ERC2: variants seen among roughly 807,000 people sequenced by gnomAD.
The protein encoded by ERC2 is ERC protein 2.
In ERC2, 42 loss-of-function variants were observed where a neutral mutation model predicts 114.8. That is an observed-to-expected ratio of 0.37 (90% CI 0.29 to 0.47). The LOEUF is 0.47. ERC2 is among the 20% of genes least tolerant of loss of function. The probability of loss-of-function intolerance (pLI) is 0.99; values close to 1 mark genes in which losing one functional copy is unlikely to be tolerated. For missense variants in ERC2, 939 were observed against 1,150.7 expected, an observed-to-expected ratio of 0.82 and a Z score of 2.66; for synonymous variants, 454 against 425.5, an observed-to-expected ratio of 1.07 and a Z score of -0.82.
At chr3:56,339,997 C>T (rs997416647) in intron 2 of ERC2, among the ~76,000 whole-genome samples, 1 of 152,140 alleles carries the variant, frequency 6.6e-6, no homozygotes, top group Non-Finnish European at 1.5e-5. Flanking sequence ...AAAATCACAA[C>T]CCCAAGATAT....
rs1473296616 is a variant in ERC2, at chr3:55,732,445, G to A, written c.2712+2326C>T. Among the ~76,000 whole-genome samples, 2 of 152,108 alleles carry A rather than the reference G, an allele frequency of 1.3e-5. 1 individual carries two copies. Among genetic ancestry groups the A allele is most frequent in the Non-Finnish European group, 2.9e-5 (2 of 68,016 alleles). ...GGACACTGCCTTAGCACATACAGGA[G>A]CTGAACTCTGCGTAGCTGAGGTTTC... On this transcript the variant is annotated intron_variant, in intron 15 of 17. Transcript: ENST00000288221.
chr3:55,739,555 C>T (rs965734326), intron 14 of ERC2, among the ~76,000 whole-genome samples: 5 of 152,070 alleles, frequency 3.3e-5, no homozygotes, highest in Non-Finnish European at 7.4e-5. Context: ...GCATAAATGT[C>T]TGCTTTTGAG....
chr3:55,728,446 G>C (rs1439107568), intron 15 of ERC2, among the ~76,000 whole-genome samples: 2 of 152,206 alleles, frequency 1.3e-5, no homozygotes, highest in Non-Finnish European at 2.9e-5. Flanking sequence ...AGATTGAATG[G>C]ATGAGTAGGC....
intron 17 of ERC2, among the ~76,000 whole-genome samples, chr3:55,528,953 C>T (rs1286514523): frequency 6.6e-6 from 1 of 152,168 alleles, no homozygotes; most frequent in Non-Finnish European, 1.5e-5. Flanking sequence ...ATTTCCACAT[C>T]TTTTAAGATG....
chr3:56,251,128 C>T (rs891731355), intron 3 of ERC2, among the ~76,000 whole-genome samples: 5 of 152,120 alleles, frequency 3.3e-5, no homozygotes, highest in Non-Finnish European at 5.9e-5. Flanking sequence ...TTCTCACCCA[C>T]CATAGAAACT....
At chr3:55,592,466 T>C (rs934623577) in intron 17 of ERC2, among the ~76,000 whole-genome samples, 1 of 152,086 alleles carries the variant, frequency 6.6e-6, no homozygotes, top group African/African-American at 2.4e-5. Context: ...GATTTCTCCA[T>C]GCTGGTAGAG....
chr3:56,377,803 A>C (rs1056852379), intron 2 of ERC2, among the ~76,000 whole-genome samples: 1 of 152,022 alleles, frequency 6.6e-6, no homozygotes, highest in Non-Finnish European at 1.5e-5. Flanking sequence ...GAACCACTTG[A>C]GCCCAGTAGT....
intron 17 of ERC2, among the ~76,000 whole-genome samples, chr3:55,645,906 C>T (rs1156634670): frequency 6.6e-6 from 1 of 152,110 alleles, no homozygotes; most frequent in South Asian, 2.1e-4. Flanking sequence ...GAGAAGAGGG[C>T]CCTTTCAGTG....
chr3:55,759,959 T>C (rs2067319066), intron 14 of ERC2, among the ~76,000 whole-genome samples: 1 of 152,234 alleles, frequency 6.6e-6, no homozygotes, highest in African/African-American at 2.4e-5. Flanking sequence ...GGACTTTTCA[T>C]AATACACACT....
intron 14 of ERC2, among the ~76,000 whole-genome samples, chr3:55,863,882 T>C (rs2062135801): frequency 6.6e-6 from 1 of 151,688 alleles, no homozygotes; most frequent in Non-Finnish European, 1.5e-5. Context: ...GTACTAGCCG[T>C]ATCTCAAAAT....
intron 17 of ERC2, among the ~76,000 whole-genome samples, chr3:55,535,551 G>A (rs62251469): frequency 0.028 from 4,320 of 152,254 alleles, 90 homozygotes; most frequent in Middle Eastern, 0.078. Context: ...GTGAGCCACC[G>A]GCAGCAGATA....
intron 10 of ERC2, among the ~76,000 whole-genome samples, chr3:56,006,393 C>T (rs984940048): frequency 6.6e-6 from 1 of 151,922 alleles, no homozygotes; most frequent in Non-Finnish European, 1.5e-5. Flanking sequence ...GTATTATATG[C>T]TTTGATTGAT....
rs115670269 is a variant in ERC2 at position 56,184,428 on chromosome 3, T to C, written c.1075-10908A>G. 3.9e-3 allele frequency among the ~76,000 whole-genome samples: 588 copies of C among 152,284 alleles called. 4 individuals are homozygous for C. The highest frequency in any genetic ancestry group is 0.013 in the African/African-American group (520 of 41,558). On this transcript the variant is annotated intron_variant, in intron 3 of 17. Coordinates refer to ENST00000288221, the MANE Select transcript of ERC2 (RefSeq NM_015576.3). The stretch of plus-strand genomic sequence containing the variant: ...TCCTGGAATATAAGACCACAAATGT[T>C]AATTTCAACAATAATAACAGCAGCT...
At chr3:55,566,080 C>T (rs1374056928) in intron 17 of ERC2, among the ~76,000 whole-genome samples, 2 of 152,168 alleles carry the variant, frequency 1.3e-5, no homozygotes, top group East Asian at 3.8e-4. Flanking sequence ...GCTTGACTTT[C>T]ACTCTATGAT....
chr3:55,910,719 C>T (rs945059660), intron 13 of ERC2, among the ~76,000 whole-genome samples: 1 of 152,156 alleles, frequency 6.6e-6, no homozygotes, highest in Admixed American at 6.5e-5. Flanking sequence ...TCATCATTAT[C>T]ATTTTACAGA....
At chr3:55,593,072 G>A (rs1344709700) in intron 17 of ERC2, among the ~76,000 whole-genome samples, 1 of 152,200 alleles carries the variant, frequency 6.6e-6, no homozygotes, top group Admixed American at 6.5e-5. Context: ...GATATGCCAT[G>A]TTGTGCTGTG....
chr3:56,342,107 A>G (rs972545539), intron 2 of ERC2, among the ~76,000 whole-genome samples: 3 of 152,258 alleles, frequency 2.0e-5, no homozygotes, highest in African/African-American at 7.2e-5. Context: ...TGAGGAACAT[A>G]GAATCCAGCT....
chr3:55,908,217 T>TA (rs1159821219), intron 13 of ERC2, among the ~76,000 whole-genome samples: 8 of 152,326 alleles, frequency 5.3e-5, no homozygotes, highest in African/African-American at 1.9e-4. Flanking sequence ...TGAATTTTCC[T>TA]GAAAAAAATC....
chr3:56,086,848 G>A (rs2077530798), intron 6 of ERC2, among the ~76,000 whole-genome samples: 1 of 152,040 alleles, frequency 6.6e-6, no homozygotes, highest in African/African-American at 2.4e-5. Flanking sequence ...TCCAACATCA[G>A]GTAGAGACAT....
Sources: gnomAD v4.1 joint callset for allele counts (sites outside exome capture counted in the v4.1 genomes callset) on GRCh38, gnomAD v4.1.1 for gene constraint, MANE v1.5 for transcripts, NCBI Gene and HGNC (gene_info 2026-07-23, HGNC 2026-07-21) for gene names.